Variants in TMEM132C observed in about 807,000 individuals in gnomAD.
The protein encoded by TMEM132C is transmembrane protein 132C.
TMEM132C carries 29 observed loss-of-function variants against 61.4 expected under a neutral mutation model. That is an observed-to-expected ratio of 0.47 (90% CI 0.35 to 0.64). TMEM132C has a LOEUF of 0.64. Among genes scored for constraint, TMEM132C ranks in the 30% least tolerant of loss-of-function variants. The pLI is 0.00. For missense variants in TMEM132C, 1,408 were observed against 1,476.9 expected (o/e 0.95, Z 0.76); for synonymous variants, 656 against 633.1 (o/e 1.04, Z -0.54).
At position 128,705,776 on chromosome 12, in the gene TMEM132C, G is replaced by A; in HGVS notation, c.2808G>A (p.Leu936=). 1 of 1,551,542 alleles carries A rather than the reference G, an allele frequency of 6.4e-7. No individual in the cohort carries two copies. The change falls in exon 9 of 9, where the codon CTG becomes CTA. Residue 936 remains leucine, a synonymous_variant. Coordinates refer to ENST00000435159, the MANE Select transcript of TMEM132C (RefSeq NM_001136103.3). The part of the protein sequence containing the change: ...GMYALLGVFC[L]AILVFLINCA... ...ACGCCCTCCTGGGGGTGTTCTGCCTGGCCATCCTCGTCTTCCTGATCAACT... is the reference window on the plus strand; with the variant it reads ...ACGCCCTCCTGGGGGTGTTCTGCCTAGCCATCCTCGTCTTCCTGATCAACT...
Position 128,706,252 on chromosome 12 carries a change from A to G in TMEM132C, c.3284A>G (p.Lys1095Arg). 1.3e-6 allele frequency: 2 copies of G among 1,550,624 alleles called. No homozygotes were observed. Among genetic ancestry groups the G allele is most frequent in the Non-Finnish European group, 1.7e-6 (2 of 1,146,362 alleles). ...VCQDVAVGAPKELRNYLEKLK... is the reference protein window; with the variant it reads ...VCQDVAVGAPRELRNYLEKLK... ...CAAGACGTGGCTGTGGGTGCCCCCA[A>G]GGAACTTAGAAACTATCTGGAGAAA... The change falls in exon 9 of 9, where the codon AAG becomes AGG. Residue 1095 changes from lysine (K) to arginine (R), a missense_variant. Transcript: ENST00000435159.
At chr12:128,489,753 G>A (rs116289564) in intron 2 of TMEM132C, among the ~76,000 whole-genome samples, 10 of 151,744 alleles carry the variant, frequency 6.6e-5, no homozygotes, top group Non-Finnish European at 1.0e-4. Context: ...AAATTTTCTC[G>A]CCTCACTCAG....
chr12:128,417,117 G>C (rs546120172), intron 2 of TMEM132C, among the ~76,000 whole-genome samples: 2 of 152,228 alleles, frequency 1.3e-5, no homozygotes, highest in African/African-American at 2.4e-5. Context: ...CCATGGCTTG[G>C]ATTTGAAAAG....
intron 4 of TMEM132C, among the ~76,000 whole-genome samples, chr12:128,656,581 T>C (rs1199898741): frequency 1.3e-5 from 2 of 152,244 alleles, no homozygotes; most frequent in African/African-American, 2.4e-5. Flanking sequence ...ACTGGAGGAA[T>C]TGGTAAAGCA....
intron 3 of TMEM132C, among the ~76,000 whole-genome samples, chr12:128,614,525 A>T (rs1455576411): frequency 1.3e-5 from 2 of 152,130 alleles, no homozygotes; most frequent in Non-Finnish European, 2.9e-5. Context: ...TTAGGCAAGG[A>T]TCTGTAAAGA....
chr12:128,491,852 CTT>C (rs113590302), intron 2 of TMEM132C, among the ~76,000 whole-genome samples: 79 of 145,046 alleles, frequency 5.4e-4, no homozygotes, highest in South Asian at 1.5e-3. Flanking sequence ...TGTATCAGTT[CTT>C]TTTTTTTTTT....
Position 128,372,415 on chromosome 12 carries a change from A to T in TMEM132C, c.86-42317A>T, listed in dbSNP as rs76386776. Among the ~76,000 whole-genome samples, 50 of 152,322 alleles carry T rather than the reference A, an allele frequency of 3.3e-4. 1 individual carries two copies. The East Asian group carries it at 9.5e-3, about 29-fold the overall frequency. ...CCTAGAGTGACATGGACAGAGAAAG[A>T]CAGAGACAGACAGAGTGACTGAAAG... On this transcript the variant is annotated intron_variant, in intron 1 of 8. Coordinates refer to ENST00000435159, the MANE Select transcript of TMEM132C (RefSeq NM_001136103.3).
chr12:128,298,197 C>T (rs1217300729), intron 1 of TMEM132C, among the ~76,000 whole-genome samples: 1 of 152,136 alleles, frequency 6.6e-6, no homozygotes, highest in Non-Finnish European at 1.5e-5. Flanking sequence ...TGCTTAAGAC[C>T]CCAGTGCGGC....
At chr12:128,585,673 AAAGCAGC>A (rs1273639083) in intron 3 of TMEM132C, among the ~76,000 whole-genome samples, 1 of 152,258 alleles carries the variant, frequency 6.6e-6, no homozygotes, top group Non-Finnish European at 1.5e-5. Flanking sequence ...CCGCAAAGTC[AAAGCAGC>A]AAGCAGCGTG....
In TMEM132C at chr12:128,420,916, G is replaced by A. The variant is rs779126548; in HGVS notation, c.974+5296G>A. Among the ~76,000 whole-genome samples, 24 of 152,104 alleles carry A rather than the reference G, an allele frequency of 1.6e-4. 1 individual carries two copies. Among genetic ancestry groups the A allele is most frequent in the Admixed American group, 1.1e-3 (17 of 15,266 alleles). On this transcript the variant is annotated intron_variant, in intron 2 of 8. Transcript: ENST00000435159. Reference sequence around the variant, plus strand: ...TTTAAGGAAAAAATATTCAAGAAGCGAATAATATAAGAGGATGGGCACAGA... The same window carrying A: ...TTTAAGGAAAAAATATTCAAGAAGCAAATAATATAAGAGGATGGGCACAGA...
At chr12:128,656,065 T>G (rs1475046448) in intron 4 of TMEM132C, among the ~76,000 whole-genome samples, 1 of 152,200 alleles carries the variant, frequency 6.6e-6, no homozygotes, top group Non-Finnish European at 1.5e-5. Flanking sequence ...TTTGTTTGTT[T>G]TTTGAGAAGG....
chr12:128,629,238 GT>G (rs1954045466), intron 4 of TMEM132C, among the ~76,000 whole-genome samples: 1 of 152,218 alleles, frequency 6.6e-6, no homozygotes, highest in Admixed American at 6.5e-5. Flanking sequence ...ACCTGGGACA[GT>G]TTCAGTGGCT....
At chr12:128,691,167 A>C (rs542306918) in intron 5 of TMEM132C, among the ~76,000 whole-genome samples, 58 of 152,340 alleles carry the variant, frequency 3.8e-4, no homozygotes, top group Non-Finnish European at 7.1e-4. Context: ...ACTCCACTAA[A>C]CTGTATGTGT....
In TMEM132C at chr12:128,570,956, G is replaced by C. The variant is rs1225479112; in HGVS notation, c.1121+26853G>C. Among the ~76,000 whole-genome samples the C allele has an allele frequency of 1.3e-5, 2 of 152,210 alleles. No individual in the cohort carries two copies. Among genetic ancestry groups the C allele is most frequent in the African/African-American group, 2.4e-5 (1 of 41,450 alleles). ...CTTTGGCACGTTACCACCCTGAAAA[G>C]ATCAGGGCTTTGTTAGCAAGAAAGA... On this transcript the variant is annotated intron_variant, in intron 3 of 8. Transcript: ENST00000435159. The surrounding 1 kb of genome is among the most constrained non-coding windows in gnomAD (Gnocchi z 4.7).
intron 2 of TMEM132C, among the ~76,000 whole-genome samples, chr12:128,448,739 A>G (rs1176444361): frequency 6.6e-6 from 1 of 152,104 alleles, no homozygotes; most frequent in Non-Finnish European, 1.5e-5. Context: ...CTCTTTTATA[A>G]TCTACCATAA....
chr12:128,609,181 CT>C (rs1185687338), intron 3 of TMEM132C, among the ~76,000 whole-genome samples: 1 of 135,780 alleles, frequency 7.4e-6, no homozygotes, highest in African/African-American at 2.8e-5. Flanking sequence ...CCCCACCTCC[CT>C]GCAACCCTGT....
chr12:128,381,685 A>T (rs964649270), intron 1 of TMEM132C, among the ~76,000 whole-genome samples: 1 of 152,106 alleles, frequency 6.6e-6, no homozygotes, highest in African/African-American at 2.4e-5. Flanking sequence ...GAGTAGAGGG[A>T]GCTGTCCCAG....
chr12:128,473,273 T>G (rs1413331259), intron 2 of TMEM132C, among the ~76,000 whole-genome samples: 1 of 151,170 alleles, frequency 6.6e-6, no homozygotes, highest in African/African-American at 2.4e-5. Flanking sequence ...CCAACCCCTA[T>G]CTTCATCTTC....
chr12:128,313,840 G>A (rs754424345), intron 1 of TMEM132C, among the ~76,000 whole-genome samples: 2 of 152,194 alleles, frequency 1.3e-5, no homozygotes, highest in African/African-American at 2.4e-5. Flanking sequence ...GATCAAGTCC[G>A]TTATAACTAG....
Sources: gnomAD v4.1 joint callset for allele counts (sites outside exome capture counted in the v4.1 genomes callset) on GRCh38, gnomAD v4.1.1 for gene constraint, Gnocchi (gnomAD v3.1) non-coding constraint, MANE v1.5 for transcripts, NCBI Gene and HGNC (gene_info 2026-07-23, HGNC 2026-07-21) for gene names.